The following CPT1C variants were observed in gnomAD, a reference collection of about 807,000 sequenced individuals.
The protein encoded by CPT1C is carnitine palmitoyltransferase 1C.
Under a neutral mutation model 97.3 loss-of-function variants are expected in CPT1C, and 61 were observed. That is an observed-to-expected ratio of 0.63 (90% CI 0.51 to 0.78). The LOEUF (loss-of-function observed/expected upper bound fraction) is 0.78. Ranked by LOEUF, CPT1C falls within the 30% of genes least tolerant of loss-of-function variation. The probability of loss-of-function intolerance (pLI) is 0.00; values close to 1 mark genes in which losing one functional copy is unlikely to be tolerated. For missense variants in CPT1C, 975 were observed against 1,065.5 expected, an observed-to-expected ratio of 0.92 and a Z score of 1.18; for synonymous variants, 469 against 447.2, an observed-to-expected ratio of 1.05 and a Z score of -0.61.
chr19:49,702,338 C>T (rs1262674516), intron 7 of CPT1C, among the ~76,000 whole-genome samples: 1 of 150,718 alleles, frequency 6.6e-6, no homozygotes, highest in East Asian at 1.9e-4. Context: ...AGGACTTAGC[C>T]CTGGTGCAAT....
intron 16 of CPT1C, chr19:49,711,260 AT>A (rs34561432): frequency 5.2e-3 from 709 of 135,290 alleles, no homozygotes; most frequent in Middle Eastern, 0.015. Context: ...TGCCCAGCTA[AT>A]TTTTTTTTTT....
chr19:49,712,596 T>C (rs1341140381), intron 17 of CPT1C, 140 bp from the exon 18 acceptor site: 1 of 652,392 alleles, frequency 1.5e-6, no homozygotes, highest in Admixed American at 2.4e-5. Flanking sequence ...TAGGGCGTGG[T>C]CAGGAGAAGG....
chr19:49,704,055 TG>T (rs1339664545), intron 7 of CPT1C, among the ~76,000 whole-genome samples: 1 of 152,228 alleles, frequency 6.6e-6, no homozygotes, highest in Non-Finnish European at 1.5e-5. Context: ...CTTTCTTTTG[TG>T]TTTTTCATTG....
At chr19:49,692,642 A>C (rs1599983505) in intron 3 of CPT1C, among the ~76,000 whole-genome samples, 1 of 152,132 alleles carries the variant, frequency 6.6e-6, no homozygotes, top group African/African-American at 2.4e-5. Context: ...TGGGCCCCCC[A>C]AAAACTACCC....
intron 4 of CPT1C, chr19:49,697,771 G>C (rs917501622): frequency 2.5e-5 from 6 of 244,254 alleles, no homozygotes; most frequent in African/African-American, 4.7e-5. Flanking sequence ...AATTAGGCCA[G>C]GCATGGTGGC....
At chr19:49,695,905 C>G (rs1450236131) in intron 3 of CPT1C, among the ~76,000 whole-genome samples, 1 of 150,296 alleles carries the variant, frequency 6.7e-6, no homozygotes, top group Non-Finnish European at 1.5e-5. Context: ...GCGTCTCACT[C>G]TGTTGCTGTT....
Position 49,706,463 on chromosome 19 carries a change from G to A in CPT1C, c.1343+50G>A. 2 of 1,408,032 alleles carry A rather than the reference G, an allele frequency of 1.4e-6. No homozygotes were observed. Among genetic ancestry groups the A allele is most frequent in the Non-Finnish European group, 9.2e-7 (1 of 1,084,070 alleles). The allele number at this position is 1,408,032 out of a possible 1,614,324, so 87.2% of individuals were successfully genotyped here. A position where few individuals can be genotyped will look rare whatever the true frequency, so the allele number is the denominator to read the frequency against. On this transcript the variant is annotated intron_variant, in intron 12 of 19. Coordinates refer to ENST00000598293, the MANE Select transcript of CPT1C (RefSeq NM_001199753.2). This position sits in a 1 kb window ranked among gnomAD's most constrained non-coding sequence, Gnocchi z 4.8. ...CCCAGATGTGGCACCCGAGAATCCA[G>A]TATCAGACCTAGGACCCCTGACAGT... is the stretch of plus-strand genomic sequence containing the variant.
At chr19:49,695,998 T>A (rs1409677893) in intron 3 of CPT1C, among the ~76,000 whole-genome samples, 1 of 152,060 alleles carries the variant, frequency 6.6e-6, no homozygotes, top group Non-Finnish European at 1.5e-5. Context: ...TGCCTTAGCC[T>A]CCTGAGTAGC....
intron 4 of CPT1C, among the ~76,000 whole-genome samples, chr19:49,700,455 C>G (rs543608021): frequency 3.3e-5 from 5 of 152,262 alleles, no homozygotes; most frequent in Admixed American, 6.5e-5. Flanking sequence ...TAATGGCTGT[C>G]ATTTATTAAA....
intron 4 of CPT1C, among the ~76,000 whole-genome samples, chr19:49,700,141 G>A (rs1321582372): frequency 4.0e-5 from 6 of 151,432 alleles, no homozygotes; most frequent in Non-Finnish European, 5.9e-5. Context: ...CAGCTACTCC[G>A]GAGGCTGAGG....
At chr19:49,699,737 C>T (rs1351865820) in intron 4 of CPT1C, among the ~76,000 whole-genome samples, 1 of 151,994 alleles carries the variant, frequency 6.6e-6, no homozygotes, top group Non-Finnish European at 1.5e-5. Flanking sequence ...GGTGGATCAC[C>T]TAAGGTCAGG....
rs1457140627 is a variant in CPT1C at position 49,712,818 on chromosome 19, A to T, written c.2102A>T (p.Asp701Val). Residue 701 changes from aspartate to valine, a missense_variant, in exon 18 of 20, where the codon GAC (aspartate) becomes GTC (valine). Asp to Val is a radical substitution (Grantham distance 152, BLOSUM62 -3). Transcript: ENST00000598293. ...MHLFDVHNYP[D>V]YVSSGGGFGP... is the part of the protein sequence containing the mutation. ...CTGTTTGACGTCCACAATTACCCGG[A>T]CTATGTTTCCTCAGGCGGTGGATTC... The T allele has an allele frequency of 1.2e-6, 2 of 1,613,110 alleles. No homozygotes were observed. Among genetic ancestry groups the T allele is most frequent in the Non-Finnish European group, 1.7e-6 (2 of 1,179,836 alleles).
At chr19:49,693,046 C>A (rs1032148307) in intron 3 of CPT1C, among the ~76,000 whole-genome samples, 7 of 152,138 alleles carry the variant, frequency 4.6e-5, no homozygotes, top group African/African-American at 1.7e-4. Flanking sequence ...GGATTATACG[C>A]CCAGCTAATT....
intron 3 of CPT1C, 121 bp downstream of exon 3, chr19:49,692,514 T>A: frequency 8.6e-6 from 11 of 1,283,622 alleles, no homozygotes; most frequent in Non-Finnish European, 1.2e-5. Flanking sequence ...CCCTTTTTCT[T>A]AGAATTTTGA....
rs1245418948 is a variant in CPT1C, at chr19:49,704,742, G to A, written c.726G>A (p.Leu242=). ...ACTGGTGGGAGGAATTTGTGTACCTGCGCTCCCGAAATCCGCTGATGGTGA... is the reference window on the plus strand; with the variant it reads ...ACTGGTGGGAGGAATTTGTGTACCTACGCTCCCGAAATCCGCTGATGGTGA... The part of the protein sequence containing the change: ...VSDWWEEFVY[L]RSRNPLMVNS... Residue 242 remains leucine, a synonymous_variant, in exon 8 of 20, where the codon CTG becomes CTA. Transcript: ENST00000598293. The A allele has an allele frequency of 6.2e-7, 1 of 1,614,000 alleles. No individual in the cohort carries two copies. Among genetic ancestry groups the A allele is most frequent in the African/African-American group, 1.3e-5 (1 of 74,966 alleles).
chr19:49,701,791 A>T (rs997710593), intron 7 of CPT1C, among the ~76,000 whole-genome samples, 157 bp downstream of exon 7: 2 of 143,034 alleles, frequency 1.4e-5, no homozygotes, highest in African/African-American at 2.6e-5. Flanking sequence ...GCTCACATAC[A>T]TCTATATCCT....
At chr19:49,699,327 T>C (rs1568511348) in intron 4 of CPT1C, among the ~76,000 whole-genome samples, 2 of 150,674 alleles carry the variant, frequency 1.3e-5, no homozygotes, top group Non-Finnish European at 3.0e-5. Flanking sequence ...GGATCAGATG[T>C]AGACAATTCC....
chr19:49,700,681 C>G lies in CPT1C; in HGVS notation c.282-3C>G, dbSNP rs2082962666. ...GGCCCAGCCTCTGTTTCTCTCCCCG[C>G]AGGGGTGGACAACACCACGGGCTCC... On this transcript the variant is annotated splice_polypyrimidine_tract_variant and splice_region_variant and intron_variant, in intron 4 of 19. Coordinates refer to ENST00000598293, the MANE Select transcript of CPT1C (RefSeq NM_001199753.2). 1.3e-5 allele frequency: 21 copies of G among 1,607,058 alleles called. No individual in the cohort carries two copies. Among genetic ancestry groups the G allele is most frequent in the Non-Finnish European group, 1.6e-5 (19 of 1,179,894 alleles).
intron 13 of CPT1C, among the ~76,000 whole-genome samples, chr19:49,707,871 T>C (rs2123446116): frequency 6.6e-6 from 1 of 151,200 alleles, no homozygotes; most frequent in South Asian, 2.1e-4. Context: ...GGCATGGTGG[T>C]GTGTGCCTGT....
Sources: gnomAD v4.1 joint callset for allele counts (sites outside exome capture counted in the v4.1 genomes callset) on GRCh38, gnomAD v4.1.1 for gene constraint, Gnocchi (gnomAD v3.1) non-coding constraint, MANE v1.5 for transcripts, NCBI Gene and HGNC (gene_info 2026-07-23, HGNC 2026-07-21) for gene names.